The following TP63 variants were observed in gnomAD, a reference collection of about 807,000 sequenced individuals.
TP63 encodes tumor protein 63.
In TP63, 17 loss-of-function variants were observed where a neutral mutation model predicts 82.8. The ratio of observed to expected loss-of-function variants is 0.21; its 90% CI spans 0.14 to 0.31. TP63 has a LOEUF of 0.31. Ranked by LOEUF, TP63 falls within the 10% of genes least tolerant of loss-of-function variation. TP63 has a pLI of 1.00. For synonymous variants in TP63, 330 were observed against 321.7 expected (o/e 1.03, Z -0.28); for missense variants, 648 against 895.3 (o/e 0.72, Z 3.52).
chr3:189,738,573 TAAC>T lies in TP63; in HGVS notation c.192-64_192-62del. ...CTTTGAAGCAGAAAATGCTTGTTGT[TAAC>T]AACAGCATGAGTATATTTTAGTCCC... On this transcript the variant is annotated intron_variant, in intron 2 of 13. Transcript: ENST00000264731. 8 of 1,611,300 alleles carry T rather than the reference TAAC, an allele frequency of 5.0e-6. No individual in the cohort carries two copies. The South Asian group carries it at 7.7e-5, about 16-fold the overall frequency.
chr3:189,780,779 A>G (rs16864779), intron 3 of TP63, among the ~76,000 whole-genome samples: 6,059 of 152,262 alleles, frequency 0.04, 188 homozygotes, highest in Admixed American at 0.098. Context: ...CCCAGTTTTA[A>G]GAAACACTAT....
At chr3:189,892,353 A>G (rs1006399364) in intron 13 of TP63, among the ~76,000 whole-genome samples, 11 of 152,326 alleles carry the variant, frequency 7.2e-5, no homozygotes, top group Non-Finnish European at 1.2e-4. Context: ...TCCTATGCCA[A>G]TCTGTGGGCC....
intron 1 of TP63, among the ~76,000 whole-genome samples, chr3:189,664,357 A>T (rs1266320858): frequency 6.6e-6 from 1 of 152,154 alleles, no homozygotes; most frequent in Non-Finnish European, 1.5e-5. Context: ...ATTACATAGA[A>T]ATATTTTTTC....
chr3:189,713,523 C>A (rs992111880), intron 1 of TP63, among the ~76,000 whole-genome samples: 1 of 152,126 alleles, frequency 6.6e-6, no homozygotes, highest in African/African-American at 2.4e-5. Flanking sequence ...ATGAACTGAT[C>A]CAGTTTTAAC....
In TP63 at chr3:189,836,427, A is replaced by T. The variant is rs145959475; in HGVS notation, c.580-27805A>T. 5.4e-4 allele frequency among the ~76,000 whole-genome samples: 82 copies of T among 152,286 alleles called. No individual in the cohort carries two copies. The East Asian group carries it at 0.012, about 22-fold the overall frequency. On this transcript the variant is annotated intron_variant, in intron 4 of 13. Coordinates refer to ENST00000264731, the MANE Select transcript of TP63 (RefSeq NM_003722.5). ...ATTTCTGTGTTTGCTAGCCTTGGAAAGTATAACTCTTATAGGGTTGGGCAA... is the reference window on the plus strand; with the variant it reads ...ATTTCTGTGTTTGCTAGCCTTGGAATGTATAACTCTTATAGGGTTGGGCAA...
intron 3 of TP63, among the ~76,000 whole-genome samples, chr3:189,791,012 T>C (rs1184747688): frequency 6.6e-6 from 1 of 152,158 alleles, no homozygotes; most frequent in Non-Finnish European, 1.5e-5. Flanking sequence ...CTTTAAAACA[T>C]TCAAGCAGGC....
chr3:189,810,804 T>C (rs7340541), intron 4 of TP63, among the ~76,000 whole-genome samples: 27,769 of 145,284 alleles, frequency 0.19, 3,341 homozygotes, highest in Middle Eastern at 0.28. Flanking sequence ...TGTGGCGAGC[T>C]GAGATCGCAC....
intron 3 of TP63, among the ~76,000 whole-genome samples, chr3:189,780,763 T>C (rs542653617): frequency 6.1e-4 from 93 of 152,308 alleles, no homozygotes; most frequent in African/African-American, 2.1e-3. Context: ...CAGTCCATGC[T>C]GCTTCCCCAG....
chr3:189,743,095 G>A (rs899331023), intron 3 of TP63, among the ~76,000 whole-genome samples: 13 of 151,946 alleles, frequency 8.6e-5, no homozygotes, highest in African/African-American at 3.1e-4. Context: ...CATAACAAAA[G>A]CTTAATAACC....
chr3:189,754,150 T>G (rs1346003091), intron 3 of TP63, among the ~76,000 whole-genome samples: 1 of 152,158 alleles, frequency 6.6e-6, no homozygotes, highest in Non-Finnish European at 1.5e-5. Context: ...AATAGAGAAC[T>G]GCATGCACCT....
chr3:189,770,504 G>A (rs1360145367), intron 3 of TP63, among the ~76,000 whole-genome samples: 1 of 151,788 alleles, frequency 6.6e-6, no homozygotes, highest in Non-Finnish European at 1.5e-5. Context: ...GACAGAGGTT[G>A]CAGTGAGCCG....
chr3:189,693,284 G>A (rs933738486), intron 1 of TP63, among the ~76,000 whole-genome samples: 11 of 152,128 alleles, frequency 7.2e-5, no homozygotes, highest in African/African-American at 2.7e-4. Flanking sequence ...CCAATTGCTT[G>A]CACTAATCCA....
chr3:189,889,472 G>A lies in TP63; in HGVS notation c.1640G>A (p.Cys547Tyr). ...CTPPPPYPTDCSIVSFLARLG... is the reference protein window; with the variant it reads ...CTPPPPYPTDYSIVSFLARLG... ...CCCCCACCTCCGTATCCCACAGATT[G>A]CAGCATTGTCAGGTGAGTCCACAGC... is the stretch of plus-strand genomic sequence containing the variant. Residue 547 changes from cysteine to tyrosine, a missense_variant, in exon 12 of 14, where the codon TGC becomes TAC. Cys to Tyr is a radical substitution (Grantham distance 194). This residue lies in a region of TP63 where 342 missense variants were observed against 425.7 expected (regional missense o/e 0.80). Transcript: ENST00000264731. 1 of 1,614,044 alleles carries A rather than the reference G, an allele frequency of 6.2e-7. No individual in the cohort carries two copies. The highest frequency in any genetic ancestry group is 8.5e-7 in the Non-Finnish European group (1 of 1,179,988).
At position 189,640,748 on chromosome 3, in the gene TP63, T is replaced by C. The variant is rs557299196; in HGVS notation, c.62+9171T>C. On this transcript the variant is annotated intron_variant, in intron 1 of 13. Coordinates refer to ENST00000264731, the MANE Select transcript of TP63 (RefSeq NM_003722.5). ...GCTTTTGACCTCCCTTCTTTTCTTT[T>C]GCTCTTTCTCTCTTTCATAGAAGCT... Among the ~76,000 whole-genome samples the C allele has an allele frequency of 5.5e-4, 83 of 152,290 alleles. No individual in the cohort carries two copies. The Middle Eastern group carries it at 0.014, about 25-fold the overall frequency.
At chr3:189,730,351 A>AT (rs1720070369) in intron 1 of TP63, among the ~76,000 whole-genome samples, 1 of 152,170 alleles carries the variant, frequency 6.6e-6, no homozygotes, top group Non-Finnish European at 1.5e-5. Context: ...TCTTATGCCA[A>AT]TTTTCTGGTC....
the TP63 span, among the ~76,000 whole-genome samples, chr3:189,616,400 C>T: frequency 0.013 from 2,047 of 152,326 alleles, 25 homozygotes; most frequent in East Asian, 0.045. Context: ...TTCTAACACC[C>T]TCTTATTGAG....
At chr3:189,725,349 A>G (rs1719695083) in intron 1 of TP63, among the ~76,000 whole-genome samples, 1 of 152,214 alleles carries the variant, frequency 6.6e-6, no homozygotes, top group African/African-American at 2.4e-5. Context: ...GAAAATTTAA[A>G]AAATAAAACA....
chr3:189,665,704 G>C (rs1714325434), intron 1 of TP63, among the ~76,000 whole-genome samples: 1 of 152,028 alleles, frequency 6.6e-6, no homozygotes, highest in African/African-American at 2.4e-5. Context: ...ACTTTTAATT[G>C]TGGTGTGTAT....
chr3:189,771,302 A>ATATATATAATATATTATATT (rs1553835316), intron 3 of TP63, among the ~76,000 whole-genome samples: 17 of 123,376 alleles, frequency 1.4e-4, no homozygotes, highest in Non-Finnish European at 2.7e-4. Context: ...TATTATATTT[A>ATATATATAATATATTATATT]TATATATAAT....
Sources: gnomAD v4.1 joint callset for allele counts (sites outside exome capture counted in the v4.1 genomes callset) on GRCh38, gnomAD v4.1.1 for gene constraint, gnomAD v4.1.1 regional missense constraint, MANE v1.5 for transcripts, NCBI Gene and HGNC (gene_info 2026-07-23, HGNC 2026-07-21) for gene names.